Variants in MSRA observed in about 807,000 individuals in gnomAD.
The protein encoded by MSRA is mitochondrial peptide methionine sulfoxide reductase.
In MSRA, 54 loss-of-function variants were observed where a neutral mutation model predicts 31.3. That is an observed-to-expected ratio of 1.73 (90% CI 1.39 to 2.17). The LOEUF is 2.17. Ranked by LOEUF, MSRA falls within the 30% of genes most tolerant of loss-of-function variation. The probability of loss-of-function intolerance (pLI) is 0.00; values close to 1 mark genes in which losing one functional copy is unlikely to be tolerated. For synonymous variants in MSRA, 169 were observed against 116.5 expected, an observed-to-expected ratio of 1.45 and a Z score of -2.90; for missense variants, 507 against 300.9, an observed-to-expected ratio of 1.69 and a Z score of -5.07.
At chr8:10,116,602 A>G (rs1364231074) in intron 1 of MSRA, among the ~76,000 whole-genome samples, 3 of 152,194 alleles carry the variant, frequency 2.0e-5, no homozygotes, top group Non-Finnish European at 4.4e-5. Context: ...CATACATGCC[A>G]TCGATAGACA....
intron 1 of MSRA, among the ~76,000 whole-genome samples, chr8:10,072,148 C>T (rs552505062): frequency 6.6e-6 from 1 of 152,154 alleles, no homozygotes; most frequent in South Asian, 2.1e-4. Flanking sequence ...CATGAGCTTG[C>T]AGCAGTGAGA....
intron 5 of MSRA, among the ~76,000 whole-genome samples, chr8:10,396,994 T>C (rs1394824932): frequency 6.6e-6 from 1 of 152,168 alleles, no homozygotes; most frequent in Non-Finnish European, 1.5e-5. Flanking sequence ...ACTCTATGCT[T>C]TTTTACTCCA....
intron 2 of MSRA, among the ~76,000 whole-genome samples, chr8:10,208,366 A>T (rs1173644957): frequency 6.6e-6 from 1 of 152,188 alleles, no homozygotes; most frequent in African/African-American, 2.4e-5. Flanking sequence ...TTAATTAAAA[A>T]TGTTTTCAGC....
intron 1 of MSRA, among the ~76,000 whole-genome samples, chr8:10,069,989 T>G (rs529482183): frequency 1.3e-5 from 2 of 152,178 alleles, no homozygotes; most frequent in Admixed American, 6.5e-5. Flanking sequence ...GTGGTATGTA[T>G]ATGGTAAGTG....
rs573823373 is a variant in MSRA, at chr8:10,173,318, A to C, written c.143-34515A>C. On this transcript the variant is annotated intron_variant, in intron 1 of 5. Transcript: ENST00000317173. ...GATGAAAAATTGTGTCAGCAATATC[A>C]CACCCAGTTACTGTGAAATCAAGGA... 2.6e-5 allele frequency among the ~76,000 whole-genome samples: 4 copies of C among 152,332 alleles called. No individual in the cohort carries two copies. The South Asian group carries it at 8.3e-4, about 32-fold the overall frequency.
At chr8:10,383,745 C>CGTTGGG in intron 5 of MSRA, among the ~76,000 whole-genome samples, 1 of 152,170 alleles carries the variant, frequency 6.6e-6, no homozygotes, top group South Asian at 2.1e-4. Context: ...CCCAGTGCTG[C>CGTTGGG]ATTGGGAAAC....
intron 5 of MSRA, among the ~76,000 whole-genome samples, chr8:10,366,469 T>A (rs889755963): frequency 1.3e-5 from 2 of 152,222 alleles, no homozygotes; most frequent in Admixed American, 6.5e-5. Flanking sequence ...ATGGCAAGCA[T>A]TACCCTGACA....
At chr8:10,062,258 C>T (rs1563386380) in intron 1 of MSRA, among the ~76,000 whole-genome samples, 1 of 152,310 alleles carries the variant, frequency 6.6e-6, no homozygotes, top group South Asian at 2.1e-4. Flanking sequence ...GCTGGCCCTG[C>T]CCTCCTGTTT....
At chr8:10,126,961 C>T (rs946442545) in intron 1 of MSRA, among the ~76,000 whole-genome samples, 6 of 152,244 alleles carry the variant, frequency 3.9e-5, no homozygotes, top group African/African-American at 1.4e-4. Context: ...TGCCACTCAC[C>T]TCCTGCTGTG....
chr8:10,142,455 G>T (rs1386791459), intron 1 of MSRA, among the ~76,000 whole-genome samples: 3 of 152,192 alleles, frequency 2.0e-5, no homozygotes, highest in African/African-American at 7.2e-5. Flanking sequence ...AGGCTGCACT[G>T]CCCTTCAGTG....
chr8:10,078,250 C>T (rs1399308932), intron 1 of MSRA, among the ~76,000 whole-genome samples: 1 of 152,198 alleles, frequency 6.6e-6, no homozygotes, highest in African/African-American at 2.4e-5. Flanking sequence ...TTACCCTCCT[C>T]CTCCTTCCCT....
intron 1 of MSRA, among the ~76,000 whole-genome samples, chr8:10,072,701 A>G (rs1355460398): frequency 1.3e-5 from 2 of 152,234 alleles, no homozygotes; most frequent in Non-Finnish European, 2.9e-5. Context: ...TGATGTCTTT[A>G]TTATGCTGAG....
intron 1 of MSRA, among the ~76,000 whole-genome samples, chr8:10,118,978 C>A (rs1800896057): frequency 6.6e-6 from 1 of 152,138 alleles, no homozygotes. Flanking sequence ...TCCAGATGAT[C>A]TCAGCGTTCA....
chr8:10,108,390 A>G (rs1458916394), intron 1 of MSRA, among the ~76,000 whole-genome samples: 15 of 151,776 alleles, frequency 9.9e-5, no homozygotes, highest in Non-Finnish European at 2.2e-4. Flanking sequence ...AAGAGGAGTG[A>G]CTCCCACTGA....
At chr8:10,075,508 G>C (rs1243206176) in intron 1 of MSRA, among the ~76,000 whole-genome samples, 1 of 152,162 alleles carries the variant, frequency 6.6e-6, no homozygotes, top group African/African-American at 2.4e-5. Flanking sequence ...GATTCATGTT[G>C]AATATTTATG....
intron 5 of MSRA, among the ~76,000 whole-genome samples, chr8:10,416,583 C>A (rs768559547): frequency 2.6e-5 from 4 of 152,194 alleles, no homozygotes; most frequent in Non-Finnish European, 4.4e-5. Context: ...TGGAGACCAC[C>A]CATGTGACTT....
chr8:10,065,529 G>C lies in MSRA; in HGVS notation c.142+10871G>C, dbSNP rs145692733. 1.1e-3 allele frequency among the ~76,000 whole-genome samples: 166 copies of C among 152,348 alleles called. 1 individual carries two copies. Among genetic ancestry groups the C allele is most frequent in the African/African-American group, 3.6e-3 (150 of 41,562 alleles). ...AGCTGTTTGCTGCAGTAGTTTTGGG[G>C]AGACACACACCTGACTTAAGCTATG... On this transcript the variant is annotated intron_variant, in intron 1 of 5. Coordinates refer to ENST00000317173, the MANE Select transcript of MSRA (RefSeq NM_012331.5).
At chr8:10,359,404 T>C (rs552027841) in intron 5 of MSRA, among the ~76,000 whole-genome samples, 3 of 152,346 alleles carry the variant, frequency 2.0e-5, no homozygotes, top group Non-Finnish European at 4.4e-5. Context: ...TCTGACATTA[T>C]GTTTTAATAT....
At chr8:10,409,052 G>A (rs1807997033) in intron 5 of MSRA, among the ~76,000 whole-genome samples, 4 of 152,168 alleles carry the variant, frequency 2.6e-5, no homozygotes, top group Non-Finnish European at 5.9e-5. Flanking sequence ...TCTTTTTCAT[G>A]TAATGATTTA....
Sources: allele counts gnomAD v4.1 joint callset (sites outside exome capture counted in the v4.1 genomes callset), GRCh38; gene constraint gnomAD v4.1.1; transcripts MANE v1.5; gene names NCBI Gene and HGNC (gene_info 2026-07-23, HGNC 2026-07-21).